The following NEK11 variants were observed in gnomAD, a reference collection of about 807,000 sequenced individuals.
NEK11 encodes serine/threonine-protein kinase Nek11.
NEK11 carries 72 observed loss-of-function variants against 80.7 expected under a neutral mutation model. The ratio of observed to expected loss-of-function variants is 0.89; its 90% CI spans 0.74 to 1.08. NEK11 has a LOEUF of 1.08. Among genes scored for constraint, NEK11 ranks in the 50% least tolerant of loss-of-function variants. The pLI, the probability that NEK11 is intolerant of heterozygous loss-of-function variation, is 0.00. For synonymous variants in NEK11, 251 were observed against 260.7 expected (o/e 0.96, Z 0.36); for missense variants, 764 against 763.6 (o/e 1.00, Z -0.01).
Position 131,203,053 on chromosome 3 carries a change from A to G in NEK11, c.1400-25475A>G, listed in dbSNP as rs946092582. ...TCAGGGATCTAGAACTAGAAATACC[A>G]TTTGACCCCGTGATCCCATTATTGG... On this transcript the variant is annotated intron_variant, in intron 14 of 17. Transcript: ENST00000383366. Among the ~76,000 whole-genome samples, 5 of 152,182 alleles carry G rather than the reference A, an allele frequency of 3.3e-5. No individual in the cohort carries two copies. The South Asian group carries it at 8.3e-4, about 25-fold the overall frequency.
intron 14 of NEK11, among the ~76,000 whole-genome samples, chr3:131,214,223 G>C (rs1185201276): frequency 6.6e-6 from 1 of 152,202 alleles, no homozygotes; most frequent in African/African-American, 2.4e-5. Context: ...TCGTAAATTT[G>C]TAAGTCTTAA....
At chr3:131,190,130 T>C (rs2093737418) in intron 14 of NEK11, among the ~76,000 whole-genome samples, 1 of 152,182 alleles carries the variant, frequency 6.6e-6, no homozygotes, top group African/African-American at 2.4e-5. Context: ...TTGGGAAACT[T>C]GAGCTAGAAA....
intron 14 of NEK11, among the ~76,000 whole-genome samples, chr3:131,172,073 C>T (rs925609198): frequency 3.9e-5 from 6 of 152,182 alleles, no homozygotes; most frequent in African/African-American, 1.4e-4. Context: ...AACTAGATTC[C>T]TCTGCAGTTA....
chr3:131,218,317 G>A (rs1365494237), intron 14 of NEK11, among the ~76,000 whole-genome samples: 2 of 152,152 alleles, frequency 1.3e-5, no homozygotes, highest in African/African-American at 4.8e-5. Flanking sequence ...CCAGATAAAA[G>A]GAGCTGAGCA....
chr3:131,067,978 C>G (rs975136435), intron 3 of NEK11, among the ~76,000 whole-genome samples: 1 of 152,172 alleles, frequency 6.6e-6, no homozygotes, highest in African/African-American at 2.4e-5. Context: ...CTTGCGGCCT[C>G]TCTGAGTTCC....
At chr3:131,335,102 C>G (rs2097159363) in intron 17 of NEK11, among the ~76,000 whole-genome samples, 1 of 152,164 alleles carries the variant, frequency 6.6e-6, no homozygotes, top group East Asian at 1.9e-4. Context: ...AGAGGGAATC[C>G]TCCCTAACTC....
In NEK11 at chr3:131,320,260, C is replaced by T. The variant is rs527342922; in HGVS notation, c.1719-29297C>T. On this transcript the variant is annotated intron_variant, in intron 17 of 17. Transcript: ENST00000383366. ...AAAATAAAATTAGAATGTAGTAGTA[C>T]CCAAATTAAAGAGAAAATGGTTTCC... Among the ~76,000 whole-genome samples, 4 of 152,114 alleles carry T rather than the reference C, an allele frequency of 2.6e-5. No individual in the cohort carries two copies. The East Asian group carries it at 7.7e-4, about 29-fold the overall frequency.
chr3:131,155,246 A>G (rs1377074497), intron 10 of NEK11, 125 bp downstream of exon 10: 3 of 645,832 alleles, frequency 4.6e-6, no homozygotes, highest in Non-Finnish European at 8.0e-6. Flanking sequence ...AGTCTTGCCA[A>G]GAAATTAAGG....
intron 17 of NEK11, among the ~76,000 whole-genome samples, chr3:131,279,572 G>A (rs542604079): frequency 2.6e-5 from 4 of 152,110 alleles, no homozygotes; most frequent in Non-Finnish European, 4.4e-5. Flanking sequence ...CTCTGTCCCC[G>A]AAAATTCCCT....
chr3:131,041,470 G>A lies in NEK11; in HGVS notation c.170+11592G>A, dbSNP rs139028938. ...ATTTCCCACAGATAAAGCTTATTTT[G>A]GCATTATTTTGCTAGCTCACATAAC... On this transcript the variant is annotated intron_variant, in intron 3 of 17. Coordinates refer to ENST00000383366, the MANE Select transcript of NEK11 (RefSeq NM_024800.5). 2.8e-3 allele frequency among the ~76,000 whole-genome samples: 422 copies of A among 152,122 alleles called. 1 individual carries two copies. The highest frequency in any genetic ancestry group is 9.8e-3 in the African/African-American group (407 of 41,500).
intron 14 of NEK11, among the ~76,000 whole-genome samples, chr3:131,191,696 A>T (rs563842014): frequency 5.9e-5 from 9 of 152,052 alleles, no homozygotes; most frequent in South Asian, 2.1e-4. Flanking sequence ...GAATTCTGAT[A>T]AAAAAAATAC....
At chr3:131,228,983 C>T (rs907354231) in intron 15 of NEK11, among the ~76,000 whole-genome samples, 1 of 152,112 alleles carries the variant, frequency 6.6e-6, no homozygotes, top group Non-Finnish European at 1.5e-5. Context: ...GCTTCGTATA[C>T]AGCTATTGAA....
chr3:131,159,680 G>C (rs1360365221), intron 10 of NEK11, among the ~76,000 whole-genome samples: 2 of 152,082 alleles, frequency 1.3e-5, no homozygotes, highest in Non-Finnish European at 2.9e-5. Flanking sequence ...CAGGAGAATC[G>C]CTTGAACCTG....
At chr3:131,233,269 C>T (rs1369848110) in intron 15 of NEK11, among the ~76,000 whole-genome samples, 3 of 152,148 alleles carry the variant, frequency 2.0e-5, no homozygotes, top group Non-Finnish European at 4.4e-5. Context: ...CCTAACTTCC[C>T]CATAGTGCTT....
At chr3:131,228,464 A>G in intron 14 of NEK11, 64 bp from the exon 15 acceptor site, 4 of 1,377,298 alleles carry the variant, frequency 2.9e-6, no homozygotes, top group Non-Finnish European at 3.9e-6. Context: ...GAAAAGATAC[A>G]GTATTCTTAC....
intron 5 of NEK11, among the ~76,000 whole-genome samples, chr3:131,110,339 A>G (rs563597510): frequency 9.4e-4 from 143 of 152,282 alleles, no homozygotes; most frequent in Admixed American, 1.6e-3. Flanking sequence ...GTGCACACTT[A>G]GCTAGGTTCA....
rs145921562 is a variant in NEK11, at chr3:131,255,784, C to T, written c.1621+12288C>T. Among the ~76,000 whole-genome samples, 144 of 152,224 alleles carry T rather than the reference C, an allele frequency of 9.5e-4. 2 individuals are homozygous for T. The East Asian group carries it at 0.013, about 14-fold the overall frequency. On this transcript the variant is annotated intron_variant, in intron 16 of 17. Coordinates refer to ENST00000383366, the MANE Select transcript of NEK11 (RefSeq NM_024800.5). ...AATATTTCAGTGAACACAACCTTGC[C>T]CTGCCCTCACAAACACCAGAATTAC...
In NEK11 at chr3:131,162,417, G is replaced by A. The variant is rs753970730; in HGVS notation, c.972G>A (p.Arg324=). 4.2e-5 allele frequency: 67 copies of A among 1,613,318 alleles called. No individual in the cohort carries two copies. Among genetic ancestry groups the A allele is most frequent in the Non-Finnish European group, 5.3e-5 (62 of 1,179,786 alleles). The change falls in exon 11 of 18, where the codon AGG becomes AGA. Residue 324 remains arginine (R), a synonymous_variant. Transcript: ENST00000383366. ...AAHIINAMQK[R]IHLQTLRALS... ...TCTTTGTTATTTATAGGCAAAAAAG[G>A]ATCCACCTGCAGACTCTGAGGGCAC...
chr3:131,340,211 A>C lies in NEK11; in HGVS notation c.1719-9346A>C, dbSNP rs1054866418. Reference sequence around the variant, plus strand: ...GTTTTTATTCGTACAAAATACACACAAAGTATGAGTGGGGGACATTGGGGT... The same window carrying C: ...GTTTTTATTCGTACAAAATACACACCAAGTATGAGTGGGGGACATTGGGGT... On this transcript the variant is annotated intron_variant, in intron 17 of 17. Coordinates refer to ENST00000383366, the MANE Select transcript of NEK11 (RefSeq NM_024800.5). 1.3e-5 allele frequency among the ~76,000 whole-genome samples: 2 copies of C among 152,234 alleles called. 1 individual carries two copies. The highest frequency in any genetic ancestry group is 2.9e-5 in the Non-Finnish European group (2 of 68,036).
Sources: gnomAD v4.1 joint callset for allele counts (sites outside exome capture counted in the v4.1 genomes callset) on GRCh38, gnomAD v4.1.1 for gene constraint, MANE v1.5 for transcripts, NCBI Gene and HGNC (gene_info 2026-07-23, HGNC 2026-07-21) for gene names.